The following FAM168A variants were observed in gnomAD, a reference collection of about 807,000 sequenced individuals.
FAM168A encodes family with sequence similarity 168 member A.
In FAM168A, 3 loss-of-function variants were observed where a neutral mutation model predicts 28.5. The ratio of observed to expected loss-of-function variants is 0.11; its 90% CI spans 0.05 to 0.27. FAM168A has a LOEUF of 0.27. Ranked by LOEUF, FAM168A falls within the 10% of genes least tolerant of loss-of-function variation. The pLI, the probability that FAM168A is intolerant of heterozygous loss-of-function variation, is 1.00. For synonymous variants in FAM168A, 122 were observed against 124.2 expected (o/e 0.98, Z 0.12); for missense variants, 222 against 311.5 (o/e 0.71, Z 2.16).
intron 2 of FAM168A, among the ~76,000 whole-genome samples, chr11:73,435,459 T>C (rs1867070302): frequency 6.6e-6 from 1 of 152,262 alleles, no homozygotes. Flanking sequence ...TTATTTTTAA[T>C]TCACTTGAAT....
chr11:73,436,757 C>G (rs889338749), intron 2 of FAM168A, among the ~76,000 whole-genome samples: 20 of 152,190 alleles, frequency 1.3e-4, no homozygotes, highest in Non-Finnish European at 2.9e-4. Context: ...TACCAACCTC[C>G]CTGCCTCTCC....
At chr11:73,461,418 C>G (rs547834562) in intron 2 of FAM168A, among the ~76,000 whole-genome samples, 1 of 152,280 alleles carries the variant, frequency 6.6e-6, no homozygotes, top group Non-Finnish European at 1.5e-5. Context: ...GCACATGGCC[C>G]ACTGTGAATC....
chr11:73,479,307 C>G (rs60818534), intron 1 of FAM168A, among the ~76,000 whole-genome samples: 3 of 152,060 alleles, frequency 2.0e-5, no homozygotes, highest in Non-Finnish European at 4.4e-5. Context: ...ATTTTAAAAC[C>G]ACTATTATTT....
chr11:73,546,836 T>C (rs1472619264), intron 1 of FAM168A, among the ~76,000 whole-genome samples: 1 of 152,068 alleles, frequency 6.6e-6, no homozygotes, highest in Admixed American at 6.6e-5. Flanking sequence ...ATTACATATG[T>C]GTTAAAATTA....
intron 1 of FAM168A, among the ~76,000 whole-genome samples, chr11:73,525,874 T>C (rs1330685309): frequency 1.3e-5 from 2 of 152,222 alleles, no homozygotes; most frequent in African/African-American, 4.8e-5. Context: ...AAGATGTACA[T>C]GTTCAAATTA....
chr11:73,532,890 A>C (rs1446835544), intron 1 of FAM168A, among the ~76,000 whole-genome samples: 1 of 152,232 alleles, frequency 6.6e-6, no homozygotes, highest in African/African-American at 2.4e-5. Flanking sequence ...CAAGTCATTT[A>C]ATCTCTCTGA....
chr11:73,414,171 T>C (rs955668068), intron 4 of FAM168A, among the ~76,000 whole-genome samples: 2 of 152,220 alleles, frequency 1.3e-5, no homozygotes, highest in African/African-American at 4.8e-5. Flanking sequence ...ACTATAAACA[T>C]TTAAAACAAT....
intron 1 of FAM168A, among the ~76,000 whole-genome samples, chr11:73,502,794 T>C (rs567055560): frequency 6.6e-6 from 1 of 152,306 alleles, no homozygotes; most frequent in Non-Finnish European, 1.5e-5. Flanking sequence ...TCACAAAACT[T>C]ATCCACCACG....
At chr11:73,422,051 C>T (rs1387713516) in intron 3 of FAM168A, among the ~76,000 whole-genome samples, 2 of 152,232 alleles carry the variant, frequency 1.3e-5, no homozygotes, top group African/African-American at 4.8e-5. Flanking sequence ...GAGGTCTACA[C>T]TGCACTCAGC....
Position 73,591,501 on chromosome 11 carries a change from T to C in FAM168A, c.-19+6422A>G, listed in dbSNP as rs577765466. On this transcript the variant is annotated intron_variant, in intron 1 of 7. Transcript: ENST00000356467. ...TACTTGTCTTATGGCCTAAGACAAA[T>C]TACCCTCTTGAATCTTTTTATTCAT... Among the ~76,000 whole-genome samples the C allele has an allele frequency of 1.1e-4, 16 of 152,292 alleles. No homozygotes were observed. In the South Asian group the frequency reaches 3.3e-3, roughly 32 times the overall value.
At chr11:73,541,281 T>C (rs1013517892) in intron 1 of FAM168A, among the ~76,000 whole-genome samples, 7 of 151,916 alleles carry the variant, frequency 4.6e-5, no homozygotes, top group Non-Finnish European at 1.0e-4. Context: ...TGCTATATAA[T>C]AGAAAGACCA....
intron 1 of FAM168A, among the ~76,000 whole-genome samples, chr11:73,481,582 G>C (rs185328346): frequency 7.2e-5 from 11 of 152,144 alleles, no homozygotes; most frequent in Admixed American, 2.6e-4. Flanking sequence ...TCTCTTTAAC[G>C]GTTACTTACA....
chr11:73,551,964 C>T (rs1241718739), intron 1 of FAM168A, among the ~76,000 whole-genome samples: 1 of 152,102 alleles, frequency 6.6e-6, no homozygotes, highest in Non-Finnish European at 1.5e-5. Context: ...CTTAGTCTGC[C>T]CTGGAGAGAA....
intron 1 of FAM168A, among the ~76,000 whole-genome samples, chr11:73,594,780 C>T (rs559152232): frequency 4.6e-5 from 7 of 152,160 alleles, no homozygotes; most frequent in African/African-American, 9.7e-5. Context: ...CCACCCACCT[C>T]GGCCTCCCAA....
intron 1 of FAM168A, among the ~76,000 whole-genome samples, chr11:73,483,125 T>A (rs1179560115): frequency 6.6e-6 from 1 of 152,226 alleles, no homozygotes; most frequent in Non-Finnish European, 1.5e-5. Flanking sequence ...ACTAGTGGTA[T>A]CAATATTCCA....
chr11:73,452,160 C>A (rs897049497), intron 2 of FAM168A: 1 of 152,270 alleles, frequency 6.6e-6, no homozygotes, highest in African/African-American at 2.4e-5. Flanking sequence ...GCCACACCCA[C>A]TCCTTTACAT....
intron 3 of FAM168A, among the ~76,000 whole-genome samples, chr11:73,422,284 T>C (rs1565237465): frequency 6.6e-6 from 1 of 152,250 alleles, no homozygotes; most frequent in African/African-American, 2.4e-5. Context: ...ACATGAACTA[T>C]ACTGTATATT....
At chr11:73,550,725 G>C (rs1943817787) in intron 1 of FAM168A, among the ~76,000 whole-genome samples, 1 of 152,010 alleles carries the variant, frequency 6.6e-6, no homozygotes, top group Non-Finnish European at 1.5e-5. Context: ...GTCCCAAATA[G>C]AGATAAATGT....
intron 4 of FAM168A, among the ~76,000 whole-genome samples, chr11:73,413,942 G>C (rs553229953): frequency 6.6e-6 from 1 of 152,202 alleles, no homozygotes; most frequent in South Asian, 2.1e-4. Flanking sequence ...GGCTGGTGTA[G>C]TCCCCAGCTA....
Sources: allele counts gnomAD v4.1 joint callset (sites outside exome capture counted in the v4.1 genomes callset), GRCh38; gene constraint gnomAD v4.1.1; transcripts MANE v1.5; gene names NCBI Gene and HGNC (gene_info 2026-07-23, HGNC 2026-07-21).